The following CCNH variants were observed in gnomAD, a reference collection of about 807,000 sequenced individuals.
The protein encoded by CCNH is cyclin-H.
Under a neutral mutation model 41.9 loss-of-function variants are expected in CCNH, and 31 were observed. That is an observed-to-expected ratio of 0.74 (90% CI 0.56 to 1.00). The LOEUF (loss-of-function observed/expected upper bound fraction) is 1.00, where lower values mean the gene tolerates loss of function less well. Among genes scored for constraint, CCNH ranks in the 50% least tolerant of loss-of-function variants. The pLI, the probability that CCNH is intolerant of heterozygous loss-of-function variation, is 0.00. For missense variants in CCNH, 362 were observed against 388.4 expected, an observed-to-expected ratio of 0.93 and a Z score of 0.57; for synonymous variants, 138 against 136.1, an observed-to-expected ratio of 1.01 and a Z score of -0.10.
chr5:87,376,006 C>T (rs969422435), downstream of CCNH, among the ~76,000 whole-genome samples: 14 of 152,130 alleles, frequency 9.2e-5, no homozygotes, highest in Non-Finnish European at 1.5e-5. Context: ...CTCGTCCGCT[C>T]AAGGGTTACC....
chr5:87,326,998 G>T (rs371988939), intron 9 of CCNH, among the ~76,000 whole-genome samples: 2 of 152,120 alleles, frequency 1.3e-5, no homozygotes, highest in African/African-American at 2.4e-5. Context: ...CATAAAATTT[G>T]TTAGTTTTTT....
At position 87,412,876 on chromosome 5, in the gene CCNH, C is replaced by A. The variant is rs532213185; in HGVS notation, c.-82G>T. On this transcript the variant is annotated 5_prime_UTR_variant, in exon 1 of 9. Transcript: ENST00000256897. ...GTCCTGGCGTAAAACACCCGTACCCCCACCGAAGATCTCGCGGAAGCCTAG... is the reference window on the plus strand; with the variant it reads ...GTCCTGGCGTAAAACACCCGTACCCACACCGAAGATCTCGCGGAAGCCTAG... The A allele has an allele frequency of 5.8e-6, 9 of 1,557,698 alleles. No individual in the cohort carries two copies. The highest frequency in any genetic ancestry group is 1.1e-5 in the South Asian group (1 of 87,470).
At chr5:87,386,702 A>T (rs914209127), downstream of CCNH, 4 of 776,846 alleles carry the variant, frequency 5.1e-6, no homozygotes, top group Middle Eastern at 3.4e-4. Context: ...GGGTTTTGCT[A>T]TATTAATTTG....
At chr5:87,351,265 T>C (rs1032105274) in intron 9 of CCNH, among the ~76,000 whole-genome samples, 1 of 151,740 alleles carries the variant, frequency 6.6e-6, no homozygotes, top group African/African-American at 2.4e-5. Flanking sequence ...AAATATACTG[T>C]ACAAATTCTG....
chr5:87,331,335 G>C, intron 9 of CCNH: 1 of 1,589,476 alleles, frequency 6.3e-7, no homozygotes, highest in Non-Finnish European at 8.6e-7. Context: ...TATCTTCTCT[G>C]TTTTTCCCCT....
chr5:87,374,149 T>TA (rs1489522179), downstream of CCNH: 284 of 1,130,334 alleles, frequency 2.5e-4, no homozygotes, highest in African/African-American at 4.9e-4. Context: ...ATATATATAT[T>TA]TTTTTTTTTT....
At chr5:87,312,481 A>G in the CCNH span, among the ~76,000 whole-genome samples, 5 of 152,210 alleles carry the variant, frequency 3.3e-5, no homozygotes, top group East Asian at 5.8e-4. Context: ...TCTGAGTTCT[A>G]ATTTCTAATA....
upstream of CCNH, among the ~76,000 whole-genome samples, chr5:87,379,312 C>G (rs958905541): frequency 1.3e-5 from 2 of 152,132 alleles, no homozygotes; most frequent in Non-Finnish European, 2.9e-5. Flanking sequence ...TAGAGATAGG[C>G]TACGGAATTC....
chr5:87,332,415 G>A, intron 9 of CCNH: 2 of 1,300,930 alleles, frequency 1.5e-6, no homozygotes, highest in Non-Finnish European at 1.1e-6. Context: ...AAAGAGTATG[G>A]AAATTATGGA....
intron 7 of CCNH, among the ~76,000 whole-genome samples, chr5:87,397,389 A>AC (rs1561344494): frequency 6.6e-6 from 1 of 151,964 alleles, no homozygotes; most frequent in Non-Finnish European, 1.5e-5. Flanking sequence ...CGAACTCCCG[A>AC]CCTCAGGTGA....
At chr5:87,360,158 CTTTTT>C (rs1240682355) in intron 9 of CCNH, among the ~76,000 whole-genome samples, 12 of 135,352 alleles carry the variant, frequency 8.9e-5, no homozygotes, top group Non-Finnish European at 1.6e-4. Context: ...GAATTTCGCT[CTTTTT>C]TGCTCAGGCT....
intron 9 of CCNH, among the ~76,000 whole-genome samples, chr5:87,361,906 G>C (rs1355153159): frequency 1.3e-5 from 2 of 152,028 alleles, no homozygotes; most frequent in Non-Finnish European, 2.9e-5. Flanking sequence ...TGAAAAAAGA[G>C]GTACATTACA....
At chr5:87,402,106 T>C (rs1358253694) in intron 5 of CCNH, among the ~76,000 whole-genome samples, 1 of 152,112 alleles carries the variant, frequency 6.6e-6, no homozygotes, top group Non-Finnish European at 1.5e-5. Context: ...GGAATCTGAG[T>C]TACAGGGATG....
At chr5:87,355,403 G>A (rs1414327185) in intron 9 of CCNH, among the ~76,000 whole-genome samples, 2 of 152,254 alleles carry the variant, frequency 1.3e-5, no homozygotes, top group Middle Eastern at 3.4e-3. Flanking sequence ...TCTGTCAATG[G>A]AACTACAAAG....
intron 9 of CCNH, chr5:87,353,063 A>C: frequency 1.1e-6 from 1 of 952,082 alleles, no homozygotes; most frequent in Non-Finnish European, 1.6e-6. Context: ...AAATTTGCTA[A>C]TTAGATAATC....
chr5:87,387,049 C>A, downstream of CCNH: 2 of 694,268 alleles, frequency 2.9e-6, no homozygotes, highest in Admixed American at 2.7e-5. Context: ...CCTTCCTAAA[C>A]AAAAAACATA....
At chr5:87,332,744 T>C (rs1178881568) in intron 9 of CCNH, 1 of 1,172,544 alleles carries the variant, frequency 8.5e-7, no homozygotes, top group Non-Finnish European at 1.2e-6. Flanking sequence ...ATTCAAGAAG[T>C]ATTTGTTGTA....
chr5:87,377,307 CTGTT>C (rs1435145415), upstream of CCNH: 1 of 467,056 alleles, frequency 2.1e-6, no homozygotes, highest in Non-Finnish European at 3.9e-6. Context: ...AATGGCTTGA[CTGTT>C]TGGCATATTT....
Position 87,405,132 on chromosome 5 carries a change from G to A in CCNH, c.526-125C>T, listed in dbSNP as rs1763697068. 11 of 649,934 alleles carry A rather than the reference G, an allele frequency of 1.7e-5. 1 individual carries two copies. In the South Asian group the frequency reaches 2.3e-4, roughly 14 times the overall value. 40.3% of individuals were successfully genotyped at this position (649,934 alleles called of 1,614,324 possible). A position where few individuals can be genotyped will look rare whatever the true frequency, so the allele number is the denominator to read the frequency against. On this transcript the variant is annotated intron_variant, in intron 4 of 8. Transcript: ENST00000256897. ...TAACATATCTAAAGTTCCTAGCACA[G>A]TAATTGACACTGTCCTCAATTTACA... is the stretch of plus-strand genomic sequence containing the variant.
Sources: allele counts gnomAD v4.1 joint callset (sites outside exome capture counted in the v4.1 genomes callset), GRCh38; gene constraint gnomAD v4.1.1; transcripts MANE v1.5; gene names NCBI Gene and HGNC (gene_info 2026-07-23, HGNC 2026-07-21).